PLAAT3: variants seen among roughly 807,000 people sequenced by gnomAD.
The protein encoded by PLAAT3 is phospholipase A and acyltransferase 3, also known as Ca-independent phospholipase A1/2.
PLAAT3 carries 21 observed loss-of-function variants against 16.7 expected under a neutral mutation model. That is an observed-to-expected ratio of 1.26 (90% CI 0.89 to 1.81). The LOEUF (loss-of-function observed/expected upper bound fraction) is 1.81, where lower values mean the gene tolerates loss of function less well. Ranked by LOEUF, PLAAT3 falls within the 40% of genes most tolerant of loss-of-function variation. The pLI is 0.00. For missense variants in PLAAT3, 219 were observed against 213.7 expected (o/e 1.02, Z -0.16); for synonymous variants, 76 against 81.7 (o/e 0.93, Z 0.38).
intron 3 of PLAAT3, among the ~76,000 whole-genome samples, chr11:63,593,944 AAGAGGCAG>A (rs1285855113): frequency 6.6e-6 from 1 of 152,162 alleles, no homozygotes; most frequent in Non-Finnish European, 1.5e-5. Flanking sequence ...CGTGAGTGGC[AAGAGGCAG>A]AGAGACCAGC....
intron 4 of PLAAT3, among the ~76,000 whole-genome samples, chr11:63,587,625 G>A (rs1300731027): frequency 6.6e-6 from 1 of 150,452 alleles, no homozygotes; most frequent in East Asian, 1.9e-4. Flanking sequence ...CGTGATCTCG[G>A]CTCACTGCAA....
At chr11:63,579,820 T>G (rs1218179535) in intron 4 of PLAAT3, among the ~76,000 whole-genome samples, 1 of 143,758 alleles carries the variant, frequency 7.0e-6, no homozygotes, top group South Asian at 2.2e-4. Context: ...CATGTATACA[T>G]ATGTAACAAA....
intron 4 of PLAAT3, among the ~76,000 whole-genome samples, chr11:63,584,637 C>T (rs1050654706): frequency 2.6e-5 from 4 of 151,710 alleles, no homozygotes; most frequent in Admixed American, 2.6e-4. Flanking sequence ...CCTCAGCCTC[C>T]CAAGTAGCTG....
At chr11:63,590,052 A>G in intron 4 of PLAAT3, 48 bp downstream of exon 4, 3 of 1,582,902 alleles carry the variant, frequency 1.9e-6, no homozygotes, top group Non-Finnish European at 2.6e-6. Flanking sequence ...CCGTCAGCAG[A>G]GGGAATGGTC....
intron 3 of PLAAT3, among the ~76,000 whole-genome samples, chr11:63,591,703 G>C (rs889425356): frequency 1.2e-4 from 18 of 152,242 alleles, no homozygotes; most frequent in Non-Finnish European, 2.9e-5. Context: ...GAAATTTAGG[G>C]AATTCAGACT....
intron 2 of PLAAT3, among the ~76,000 whole-genome samples, chr11:63,609,843 C>G (rs1172725789): frequency 6.6e-6 from 1 of 152,180 alleles, no homozygotes; most frequent in Non-Finnish European, 1.5e-5. Flanking sequence ...CCCTCCCAGA[C>G]TTTGACCACC....
At chr11:63,583,837 C>T (rs1937889131) in intron 4 of PLAAT3, among the ~76,000 whole-genome samples, 1 of 152,054 alleles carries the variant, frequency 6.6e-6, no homozygotes, top group Admixed American at 6.6e-5. Context: ...TGCCAGACTA[C>T]AGACATTTAG....
At chr11:63,601,482 G>T (rs1938428869) in intron 2 of PLAAT3, among the ~76,000 whole-genome samples, 1 of 150,126 alleles carries the variant, frequency 6.7e-6, no homozygotes, top group Non-Finnish European at 1.5e-5. Context: ...ACATAATTAC[G>T]CTCAAGCTCA....
chr11:63,615,823 G>A (rs566249174), upstream of PLAAT3, among the ~76,000 whole-genome samples: 8 of 150,522 alleles, frequency 5.3e-5, no homozygotes, highest in East Asian at 1.2e-3. Context: ...GTGCACCACC[G>A]CGCCCAGCTA....
intron 4 of PLAAT3, among the ~76,000 whole-genome samples, chr11:63,585,566 A>G (rs1937950729): frequency 6.6e-6 from 1 of 152,180 alleles, no homozygotes; most frequent in South Asian, 2.1e-4. Context: ...CATAATGTCA[A>G]TAGTGCTGAG....
At chr11:63,585,904 A>T (rs1189702492) in intron 4 of PLAAT3, among the ~76,000 whole-genome samples, 1 of 152,186 alleles carries the variant, frequency 6.6e-6, no homozygotes, top group East Asian at 1.9e-4. Context: ...AAGATTTGGA[A>T]TTTTATTTAA....
upstream of PLAAT3, chr11:63,616,589 T>C (rs1938878921): frequency 6.6e-6 from 1 of 152,106 alleles, no homozygotes; most frequent in African/African-American, 2.4e-5. Flanking sequence ...CAACTTACTA[T>C]TCTTTGTCCA....
intron 2 of PLAAT3, chr11:63,608,594 AC>A (rs977841627): frequency 3.3e-5 from 5 of 152,240 alleles, no homozygotes; most frequent in African/African-American, 1.2e-4. Context: ...TTGAAACAAA[AC>A]AAAAAGAATG....
intron 2 of PLAAT3, among the ~76,000 whole-genome samples, chr11:63,599,410 T>G (rs1223527946): frequency 6.6e-6 from 1 of 152,138 alleles, no homozygotes; most frequent in Admixed American, 6.5e-5. Flanking sequence ...GGATGAGGCA[T>G]GGGGAGGACT....
At chr11:63,575,851 G>A (rs555893712) in intron 4 of PLAAT3, among the ~76,000 whole-genome samples, 2 of 152,236 alleles carry the variant, frequency 1.3e-5, no homozygotes, top group African/African-American at 4.8e-5. Flanking sequence ...TTAAACCCAG[G>A]TACCTCTGGA....
intron 2 of PLAAT3, among the ~76,000 whole-genome samples, chr11:63,601,015 C>T (rs11601432): frequency 0.26 from 38,404 of 145,944 alleles, 6,131 homozygotes; most frequent in East Asian, 0.59. Flanking sequence ...TTTTAAGAAA[C>T]TAAATTTTAA....
At chr11:63,611,120 T>C (rs557714737) in intron 2 of PLAAT3, among the ~76,000 whole-genome samples, 126 of 152,196 alleles carry the variant, frequency 8.3e-4, no homozygotes, top group Non-Finnish European at 1.4e-3. Context: ...TTGTGTTTTG[T>C]TTTTTTCTGC....
At chr11:63,580,651 C>T (rs1937784117) in intron 4 of PLAAT3, among the ~76,000 whole-genome samples, 2 of 151,394 alleles carry the variant, frequency 1.3e-5, no homozygotes, top group African/African-American at 2.4e-5. Context: ...AAGACTGTCT[C>T]AAAAAAACAA....
upstream of PLAAT3, among the ~76,000 whole-genome samples, chr11:63,615,156 A>G (rs796660197): frequency 2.3e-4 from 7 of 30,776 alleles, no homozygotes; most frequent in African/African-American, 5.0e-4. Flanking sequence ...GTGTGTATAT[A>G]TGTGTATATA....
Sources: gnomAD v4.1 joint callset for allele counts (sites outside exome capture counted in the v4.1 genomes callset) on GRCh38, gnomAD v4.1.1 for gene constraint, MANE v1.5 for transcripts, NCBI Gene and HGNC (gene_info 2026-07-23, HGNC 2026-07-21) for gene names.